Variants in KAT6A observed in about 807,000 individuals in gnomAD.
KAT6A encodes lysine acetyltransferase 6A.
KAT6A carries 9 observed loss-of-function variants against 198.4 expected under a neutral mutation model. The observed-to-expected ratio is 0.05, with a 90% CI of 0.03 to 0.08. The LOEUF is 0.08. Among genes scored for constraint, KAT6A ranks in the 10% least tolerant of loss-of-function variants. The probability of loss-of-function intolerance (pLI) is 1.00; values close to 1 mark genes in which losing one functional copy is unlikely to be tolerated. For synonymous variants in KAT6A, 890 were observed against 883.0 expected (o/e 1.01, Z -0.14); for missense variants, 2,077 against 2,509.9 (o/e 0.83, Z 3.69).
chr8:41,947,964 GAAT>G, intron 10 of KAT6A, 52 bp from the exon 11 acceptor site: 1 of 1,386,714 alleles, frequency 7.2e-7, no homozygotes, highest in Non-Finnish European at 9.8e-7. Context: ...TTTAGTTCTA[GAAT>G]AATATGTATC....
chr8:41,988,380 A>G (rs1824735467), intron 2 of KAT6A, among the ~76,000 whole-genome samples: 1 of 152,228 alleles, frequency 6.6e-6, no homozygotes, highest in Non-Finnish European at 1.5e-5. Flanking sequence ...TAAAATGTAT[A>G]CATTAAATAT....
chr8:41,957,793 G>C (rs957098944), intron 8 of KAT6A: 40 of 152,996 alleles, frequency 2.6e-4, no homozygotes, highest in African/African-American at 9.4e-4. Context: ...TATGAAAAGA[G>C]TATTACTCTT....
intron 8 of KAT6A, among the ~76,000 whole-genome samples, chr8:41,959,912 C>T (rs1032444654): frequency 5.3e-5 from 8 of 151,108 alleles, no homozygotes; most frequent in African/African-American, 1.2e-4. Flanking sequence ...GCCAAGATCG[C>T]GCAACTGCAC....
intron 2 of KAT6A, among the ~76,000 whole-genome samples, chr8:42,009,832 A>G (rs1158722687): frequency 6.7e-6 from 1 of 148,676 alleles, no homozygotes; most frequent in East Asian, 2.0e-4. Context: ...CCCAGAAAAC[A>G]GAGGCTACAG....
chr8:42,017,264 G>A (rs1826319999), intron 2 of KAT6A, among the ~76,000 whole-genome samples: 1 of 152,160 alleles, frequency 6.6e-6, no homozygotes, highest in Non-Finnish European at 1.5e-5. Context: ...TCATTCATTT[G>A]TTCAATTAAT....
In KAT6A at chr8:41,943,842, T is replaced by G; in HGVS notation, c.2134A>C (p.Ser712Arg). 6.2e-7 allele frequency: 1 copy of G among 1,614,002 alleles called. No homozygotes were observed. The highest frequency in any genetic ancestry group is 2.2e-5 in the East Asian group (1 of 44,846). The part of the protein sequence containing the change: ...CLYHQNDKQI[S>R]IKKLSKLTGI... ...GTCAACTTGCTTAACTTCTTAATGC[T>G]GATCTGCTTGTCATTTTGGTGATAA... The change falls in exon 13 of 17, where the codon AGC becomes CGC. Residue 712 changes from serine (S) to arginine (R), a missense_variant. By Grantham distance (110) the Ser-to-Arg change is moderately radical. Transcript: ENST00000265713.
rs1802471132 is a variant in KAT6A at position 42,049,183 on chromosome 8, T to C, written c.-206A>G. On this transcript the variant is annotated 5_prime_UTR_variant, in exon 2 of 17. Coordinates refer to ENST00000265713, the MANE Select transcript of KAT6A (RefSeq NM_006766.5). ...AACCAAAACAACCTGTTGATTGAAATGTCTTCCAACTTCCCAATGAATTTC... is the reference window on the plus strand; with the variant it reads ...AACCAAAACAACCTGTTGATTGAAACGTCTTCCAACTTCCCAATGAATTTC... 5 of 530,688 alleles carry C rather than the reference T, an allele frequency of 9.4e-6. No individual in the cohort carries two copies. The Admixed American group carries it at 1.4e-4, about 15-fold the overall frequency. 32.9% of individuals were successfully genotyped at this position (530,688 alleles called of 1,614,324 possible).
intron 2 of KAT6A, among the ~76,000 whole-genome samples, chr8:41,989,660 G>A (rs1824828205): frequency 6.6e-6 from 1 of 152,172 alleles, no homozygotes; most frequent in South Asian, 2.1e-4. Context: ...TGAAATTTAA[G>A]ACAGAGACTG....
chr8:42,031,177 G>A (rs1053367779), intron 2 of KAT6A, among the ~76,000 whole-genome samples: 2 of 152,084 alleles, frequency 1.3e-5, no homozygotes, highest in African/African-American at 4.8e-5. Flanking sequence ...ATAAGACTTA[G>A]AATAATACTT....
At chr8:42,016,533 C>T (rs1270537963) in intron 2 of KAT6A, among the ~76,000 whole-genome samples, 1 of 152,012 alleles carries the variant, frequency 6.6e-6, no homozygotes, top group African/African-American at 2.4e-5. Context: ...CTTAACATGT[C>T]CACATAAACA....
chr8:42,022,432 C>A (rs889412987), intron 2 of KAT6A, among the ~76,000 whole-genome samples: 1 of 151,610 alleles, frequency 6.6e-6, no homozygotes, highest in Non-Finnish European at 1.5e-5. Context: ...TTTGGAAAAT[C>A]AGGGTTAAAA....
At chr8:41,993,513 CAT>C (rs1436054975) in intron 2 of KAT6A, among the ~76,000 whole-genome samples, 1 of 152,132 alleles carries the variant, frequency 6.6e-6, no homozygotes, top group Non-Finnish European at 1.5e-5. Flanking sequence ...TTTGGCCAAG[CAT>C]AAAAATAATA....
chr8:41,964,865 T>A (rs1378782881), intron 8 of KAT6A, among the ~76,000 whole-genome samples: 1 of 152,170 alleles, frequency 6.6e-6, no homozygotes, highest in African/African-American at 2.4e-5. Flanking sequence ...TCCTATTGCA[T>A]GGTATGCACC....
Position 41,933,603 on chromosome 8 carries a change from T to C in KAT6A, c.4617A>G (p.Ser1539=). 1 of 1,614,168 alleles carries C rather than the reference T, an allele frequency of 6.2e-7. No homozygotes were observed. The highest frequency in any genetic ancestry group is 8.5e-7 in the Non-Finnish European group (1 of 1,180,032). Reference sequence around the variant, plus strand: ...TGTCCACCACCTGCTGAGAGTGGTCTGATACGGAAGGCACATCCATCATGG... The same window carrying C: ...TGTCCACCACCTGCTGAGAGTGGTCCGATACGGAAGGCACATCCATCATGG... ...TSPMMDVPSV[S]DHSQQVVDSG... The change falls in exon 17 of 17, where the codon TCA becomes TCG. Residue 1539 remains serine (S), a synonymous_variant. Transcript: ENST00000265713. The surrounding 1 kb of genome is among the most constrained non-coding windows in gnomAD (Gnocchi z 6.2).
intron 2 of KAT6A, among the ~76,000 whole-genome samples, chr8:41,989,563 A>ACGTGACGTG (rs1564047209): frequency 1.0e-4 from 12 of 117,450 alleles, no homozygotes; most frequent in African/African-American, 3.8e-4. Flanking sequence ...GACGTGACGT[A>ACGTGACGTG]ACATAACATA....
chr8:42,006,822 C>G (rs757343020), intron 2 of KAT6A, among the ~76,000 whole-genome samples: 3 of 151,850 alleles, frequency 2.0e-5, no homozygotes, highest in Non-Finnish European at 2.9e-5. Flanking sequence ...GTGGTGAAAC[C>G]CTGTTTCTAC....
intron 2 of KAT6A, among the ~76,000 whole-genome samples, chr8:42,022,815 T>C (rs575807725): frequency 1.8e-4 from 27 of 152,308 alleles, no homozygotes; most frequent in African/African-American, 6.3e-4. Flanking sequence ...AGGGGCTACA[T>C]ATAAAAATGT....
At chr8:41,936,324 A>C (rs1249934210) in intron 16 of KAT6A, among the ~76,000 whole-genome samples, 36 of 152,256 alleles carry the variant, frequency 2.4e-4, no homozygotes, top group Non-Finnish European at 1.5e-5. Context: ...AATGGAGAAA[A>C]TGTAAGTTTA....
In KAT6A at chr8:41,943,998, C is replaced by G; in HGVS notation, c.1997-19G>C. 6.3e-7 allele frequency: 1 copy of G among 1,578,454 alleles called. No individual in the cohort carries two copies. Among genetic ancestry groups the G allele is most frequent in the Non-Finnish European group, 8.7e-7 (1 of 1,148,988 alleles). ...AAATAACCTAAAGAATCACAAATAA[C>G]TCAAATCAGAACTAGGTCAGCAACT... On this transcript the variant is annotated intron_variant, in intron 12 of 16. Coordinates refer to ENST00000265713, the MANE Select transcript of KAT6A (RefSeq NM_006766.5).
Sources: allele counts gnomAD v4.1 joint callset (sites outside exome capture counted in the v4.1 genomes callset), GRCh38; gene constraint gnomAD v4.1.1; non-coding constraint Gnocchi (gnomAD v3.1); transcripts MANE v1.5; gene names NCBI Gene and HGNC (gene_info 2026-07-23, HGNC 2026-07-21).